Variants in RBFOX1 observed in about 807,000 individuals in gnomAD.
RBFOX1 encodes RNA binding protein fox-1 homolog 1.
Under a neutral mutation model 57.7 loss-of-function variants are expected in RBFOX1, and 8 were observed. The ratio of observed to expected loss-of-function variants is 0.14; its 90% confidence interval spans 0.08 to 0.25. RBFOX1 has a LOEUF of 0.25. Ranked by LOEUF, RBFOX1 falls within the 10% of genes least tolerant of loss-of-function variation. The pLI is 1.00. For missense variants in RBFOX1, 611 were observed against 548.5 expected, an observed-to-expected ratio of 1.11 and a Z score of -1.14; for synonymous variants, 326 against 222.4, an observed-to-expected ratio of 1.47 and a Z score of -4.15.
intron 5 of RBFOX1, among the ~76,000 whole-genome samples, chr16:7,578,905 A>G (rs1018029835): frequency 6.6e-6 from 1 of 152,178 alleles, no homozygotes; most frequent in Non-Finnish European, 1.5e-5. Context: ...GTGGGTGTCA[A>G]TGTAACGTCA....
chr16:5,878,615 A>T (rs2057680379), intron 4 of RBFOX1, among the ~76,000 whole-genome samples: 1 of 152,178 alleles, frequency 6.6e-6, no homozygotes, highest in Non-Finnish European at 1.5e-5. Context: ...AAACTTCGTG[A>T]CTATGCCTGA....
chr16:5,500,919 A>G (rs2043172108), intron 2 of RBFOX1, among the ~76,000 whole-genome samples: 1 of 152,204 alleles, frequency 6.6e-6, no homozygotes, highest in Non-Finnish European at 1.5e-5. Flanking sequence ...AAGGACAAGG[A>G]ATTATGGCTG....
intron 3 of RBFOX1, among the ~76,000 whole-genome samples, chr16:5,724,950 G>A (rs893947015): frequency 1.3e-5 from 2 of 152,176 alleles, no homozygotes; most frequent in African/African-American, 4.8e-5. Context: ...TGCGACTGGG[G>A]AAGGGCCATG....
intron 7 of RBFOX1, among the ~76,000 whole-genome samples, chr16:7,592,892 G>C (rs2094515993): frequency 6.6e-6 from 1 of 151,968 alleles, no homozygotes; most frequent in Non-Finnish European, 1.5e-5. Flanking sequence ...GCTCACTGTA[G>C]CCTCAACCTC....
At chr16:7,206,235 A>G (rs758755833) in intron 4 of RBFOX1, among the ~76,000 whole-genome samples, 7 of 152,294 alleles carry the variant, frequency 4.6e-5, no homozygotes, top group Non-Finnish European at 7.3e-5. Context: ...TTTACCAGAC[A>G]GTAACATCTT....
At chr16:5,936,292 T>A in intron 4 of RBFOX1, among the ~76,000 whole-genome samples, 1 of 152,054 alleles carries the variant, frequency 6.6e-6, no homozygotes, top group East Asian at 1.9e-4. Context: ...CCTGGCTAAT[T>A]TTTGTATTTT....
chr16:7,449,566 G>A (rs1429930563), intron 4 of RBFOX1, among the ~76,000 whole-genome samples: 1 of 151,992 alleles, frequency 6.6e-6, no homozygotes, highest in African/African-American at 2.4e-5. Flanking sequence ...TACTTGTTTA[G>A]GACCATCTCT....
At chr16:6,491,939 C>T (rs1258155395) in intron 2 of RBFOX1, among the ~76,000 whole-genome samples, 2 of 152,030 alleles carry the variant, frequency 1.3e-5, no homozygotes, top group Non-Finnish European at 2.9e-5. Context: ...TTAGGATTAA[C>T]CTTCTTATCA....
intron 2 of RBFOX1, among the ~76,000 whole-genome samples, chr16:6,590,652 C>A (rs78194119): frequency 0.011 from 1,697 of 152,252 alleles, 48 homozygotes; most frequent in African/African-American, 0.038. Context: ...GCCTCTTCAT[C>A]CCTGCATTCA....
At chr16:7,479,372 C>A (rs971954502) in intron 4 of RBFOX1, among the ~76,000 whole-genome samples, 1 of 152,104 alleles carries the variant, frequency 6.6e-6, no homozygotes, top group African/African-American at 2.4e-5. Flanking sequence ...CTCAGTGTAT[C>A]CTCTGGCTTG....
intron 3 of RBFOX1, among the ~76,000 whole-genome samples, chr16:6,886,686 C>T (rs2064109020): frequency 6.6e-6 from 1 of 150,956 alleles, no homozygotes; most frequent in South Asian, 2.1e-4. Flanking sequence ...ACCCAGCAGG[C>T]AGAGGTTGCA....
intron 3 of RBFOX1, among the ~76,000 whole-genome samples, chr16:6,931,338 T>TACACACACACACACA (rs1360394265): frequency 1.5e-3 from 194 of 131,240 alleles, no homozygotes; most frequent in African/African-American, 6.2e-3. Context: ...TCTATCTATC[T>TACACACACACACACA]CTACACACAC....
chr16:7,094,144 A>C lies in RBFOX1; in HGVS notation c.27+42046A>C, dbSNP rs75868748. Among the ~76,000 whole-genome samples the C allele has an allele frequency of 5.8e-3, 885 of 151,538 alleles. 24 individuals are homozygous for C. Among genetic ancestry groups the C allele is most frequent in the Admixed American group, 0.044 (662 of 15,110 alleles). ...AGTGGTGTTTCACTTACCTTTAGAAAATTTTCCAAACCTTCAGACAAATAC... is the reference window on the plus strand; with the variant it reads ...AGTGGTGTTTCACTTACCTTTAGAACATTTTCCAAACCTTCAGACAAATAC... On this transcript the variant is annotated intron_variant, in intron 4 of 15. Coordinates refer to ENST00000550418, the MANE Select transcript of RBFOX1 (RefSeq NM_018723.4).
At chr16:6,244,924 T>TTGTTA (rs1375421790) in intron 1 of RBFOX1, among the ~76,000 whole-genome samples, 1 of 131,042 alleles carries the variant, frequency 7.6e-6, no homozygotes, top group Non-Finnish European at 1.5e-5. Context: ...ATACCCAGTT[T>TTGTTA]TGTTTTGTTT....
chr16:5,302,209 G>C (rs952004647), intron 1 of RBFOX1, among the ~76,000 whole-genome samples: 1 of 152,130 alleles, frequency 6.6e-6, no homozygotes, highest in Admixed American at 6.5e-5. Context: ...ATTTAGAAGT[G>C]AGTTATTTAA....
At chr16:5,374,383 G>A (rs774985092) in intron 1 of RBFOX1, among the ~76,000 whole-genome samples, 10 of 152,222 alleles carry the variant, frequency 6.6e-5, no homozygotes, top group Non-Finnish European at 8.8e-5. Flanking sequence ...TCCTGGAGGA[G>A]GTGGCCTTTG....
chr16:5,425,066 TATC>T, intron 1 of RBFOX1, among the ~76,000 whole-genome samples: 1 of 12,918 alleles, frequency 7.7e-5, no homozygotes, highest in South Asian at 3.7e-3. Flanking sequence ...CTTCCTTTCT[TATC>T]TATCTATCTA....
At chr16:5,633,846 C>A (rs1056101950) in intron 3 of RBFOX1, among the ~76,000 whole-genome samples, 1 of 71,410 alleles carries the variant, frequency 1.4e-5, no homozygotes, top group African/African-American at 5.7e-5. Flanking sequence ...GAGTGAGACT[C>A]CGTCTTAAAA....
intron 1 of RBFOX1, among the ~76,000 whole-genome samples, chr16:6,087,948 G>C (rs1244237890): frequency 6.6e-6 from 1 of 152,122 alleles, no homozygotes; most frequent in African/African-American, 2.4e-5. Flanking sequence ...ACCACACCCA[G>C]CCTTATCTTA....
Sources: gnomAD v4.1 joint callset for allele counts (sites outside exome capture counted in the v4.1 genomes callset) on GRCh38, gnomAD v4.1.1 for gene constraint, MANE v1.5 for transcripts, NCBI Gene and HGNC (gene_info 2026-07-23, HGNC 2026-07-21) for gene names.